The following UNC13B variants were observed in gnomAD, a reference collection of about 807,000 sequenced individuals.
The protein encoded by UNC13B is protein unc-13 homolog B.
Under a neutral mutation model 211.0 loss-of-function variants are expected in UNC13B, and 144 were observed. The observed-to-expected ratio is 0.68, with a 90% CI of 0.60 to 0.78. The LOEUF (loss-of-function observed/expected upper bound fraction) is 0.78. UNC13B is among the 30% of genes least tolerant of loss of function. The pLI, the probability that UNC13B is intolerant of heterozygous loss-of-function variation, is 0.00. For missense variants in UNC13B, 1,777 were observed against 2,002.0 expected (o/e 0.89, Z 2.14); for synonymous variants, 709 against 725.8 (o/e 0.98, Z 0.37).
Position 35,206,838 on chromosome 9 carries a change from C to T in UNC13B, c.23-21177C>T, listed in dbSNP as rs149914883. Among the ~76,000 whole-genome samples, 74 of 146,676 alleles carry T rather than the reference C, an allele frequency of 5.0e-4. 2 individuals carry two copies. The East Asian group carries it at 0.013, about 26-fold the overall frequency. ...GCAGTGAGCTGAGATCGCGCCACTG[C>T]ACTCCAGCCTGGTGACAGAGTGAGA... is the stretch of plus-strand genomic sequence containing the variant. On this transcript the variant is annotated intron_variant, in intron 1 of 39. Transcript: ENST00000635942.
At chr9:35,210,475 CT>C (rs1313353098) in intron 1 of UNC13B, among the ~76,000 whole-genome samples, 1 of 152,042 alleles carries the variant, frequency 6.6e-6, no homozygotes, top group Non-Finnish European at 1.5e-5. Flanking sequence ...CTTATTCCTA[CT>C]TGCGGGGCTG....
At chr9:35,320,590 C>T (rs1398054352) in intron 11 of UNC13B, among the ~76,000 whole-genome samples, 2 of 152,108 alleles carry the variant, frequency 1.3e-5, no homozygotes, top group Admixed American at 1.3e-4. Context: ...TTGCTGTTTC[C>T]CATGCTTAGA....
At position 35,396,982 on chromosome 9, in the gene UNC13B, C is replaced by T. The variant is rs376642651; in HGVS notation, c.11532+45C>T. ...TGCACCGGGTTCAGGCCAGGTCTCC[C>T]AGCAATTAGCTATTGGCAGAAGTTC... On this transcript the variant is annotated intron_variant, in intron 28 of 39. Coordinates refer to ENST00000635942, the MANE Select transcript of UNC13B (RefSeq NM_001371189.2). The T allele has an allele frequency of 3.4e-5, 55 of 1,610,682 alleles. No individual in the cohort carries two copies. In the African/African-American group the frequency reaches 6.3e-4, roughly 18 times the overall value.
rs941554265 is a variant in UNC13B at position 35,266,700 on chromosome 9, G to A, written c.526+7650G>A. Among the ~76,000 whole-genome samples the A allele has an allele frequency of 1.2e-4, 18 of 152,138 alleles. 1 individual carries two copies. The highest frequency in any genetic ancestry group is 2.2e-4 in the Non-Finnish European group (15 of 68,018). ...TCAAGCCTTTCTCTTTTAGCATTCA[G>A]TAACAACATTCTGCATTCACTTTTA... On this transcript the variant is annotated intron_variant, in intron 7 of 39. Transcript: ENST00000635942.
At chr9:35,278,632 C>T (rs753692492) in intron 7 of UNC13B, among the ~76,000 whole-genome samples, 1 of 149,650 alleles carries the variant, frequency 6.7e-6, no homozygotes, top group South Asian at 2.1e-4. Flanking sequence ...TCTGAGCCTT[C>T]TATATTGGCT....
intron 20 of UNC13B, 81 bp from the exon 21 acceptor site, chr9:35,382,276 C>T: frequency 6.5e-7 from 1 of 1,531,072 alleles, no homozygotes; most frequent in Non-Finnish European, 8.8e-7. Flanking sequence ...TTCATTTATC[C>T]CATAAACTTT....
chr9:35,214,672 A>G (rs532349253), intron 1 of UNC13B, among the ~76,000 whole-genome samples: 1 of 152,148 alleles, frequency 6.6e-6, no homozygotes, highest in Non-Finnish European at 1.5e-5. Flanking sequence ...TCTAGGGGGG[A>G]AAAAGGAGAG....
At chr9:35,273,443 A>G (rs926147155) in intron 7 of UNC13B, among the ~76,000 whole-genome samples, 1 of 152,170 alleles carries the variant, frequency 6.6e-6, no homozygotes, top group Non-Finnish European at 1.5e-5. Flanking sequence ...AATGCTTTCC[A>G]CTAGTTTTCA....
rs991833111 is a variant in UNC13B at position 35,204,501 on chromosome 9, G to T, written c.23-23514G>T. Among the ~76,000 whole-genome samples the T allele has an allele frequency of 6.7e-4, 102 of 152,210 alleles. 1 individual carries two copies. Among genetic ancestry groups the T allele is most frequent in the Non-Finnish European group, 1.3e-4 (9 of 68,038 alleles). ...CCAGCCTGTGAGAGCAACTCTGAAG[G>T]CTGAATCCTGGAAAGATTTGGAACT... On this transcript the variant is annotated intron_variant, in intron 1 of 39. Coordinates refer to ENST00000635942, the MANE Select transcript of UNC13B (RefSeq NM_001371189.2).
At chr9:35,162,409 T>A (rs1196649608) in intron 1 of UNC13B, 104 bp downstream of exon 1, 3 of 1,380,958 alleles carry the variant, frequency 2.2e-6, no homozygotes, top group Non-Finnish European at 2.9e-6. Flanking sequence ...TTACATCCCG[T>A]CCGTGCTTTG....
chr9:35,377,458 C>T lies in UNC13B; in HGVS notation c.9836-10C>T. 1.2e-6 allele frequency: 2 copies of T among 1,613,778 alleles called. No individual in the cohort carries two copies. Among genetic ancestry groups the T allele is most frequent in the Non-Finnish European group, 8.5e-7 (1 of 1,179,766 alleles). On this transcript the variant is annotated splice_polypyrimidine_tract_variant and intron_variant, in intron 15 of 39. Transcript: ENST00000635942. ...GGTAGGTGACCTGTTGTGTTCCTGG[C>T]CACCTTCAGGGGCTGCAGAAAAGAG...
At chr9:35,203,205 T>G (rs1239179289) in intron 1 of UNC13B, among the ~76,000 whole-genome samples, 1 of 152,222 alleles carries the variant, frequency 6.6e-6, no homozygotes, top group African/African-American at 2.4e-5. Context: ...CATTATGATG[T>G]TAGCTGGTTG....
chr9:35,168,998 A>G (rs1037094413), intron 1 of UNC13B, among the ~76,000 whole-genome samples: 1 of 152,078 alleles, frequency 6.6e-6, no homozygotes, highest in Admixed American at 6.5e-5. Context: ...GAACAAAACA[A>G]TGTCACTGGT....
rs1400092484 is a variant in UNC13B, at chr9:35,259,008, GA to G, written c.487del (p.Ser163AlafsTer100). The G allele has an allele frequency of 6.2e-7, 1 of 1,613,764 alleles. No individual in the cohort carries two copies. Among genetic ancestry groups the G allele is most frequent in the South Asian group, 1.1e-5 (1 of 91,056 alleles). On this transcript the variant is annotated frameshift_variant, in exon 7 of 40. Transcript: ENST00000635942. LOFTEE classifies it high-confidence loss of function. ...CTGCTTCTAGTATTCTAGTCAAGAA[GA>G]AAGCCAGAGGAAGCCATTGCCCACT... The part of the protein sequence containing the change: ...GADNEYSSQE[E>X]SQRKPLPTAA...
intron 12 of UNC13B, 68 bp downstream of exon 12, chr9:35,367,061 C>G (rs1833819288): frequency 6.7e-7 from 1 of 1,497,752 alleles, no homozygotes. Context: ...AGCTTTTCCC[C>G]TGGGAAGCAG....
chr9:35,207,375 C>G (rs1188558118), intron 1 of UNC13B, among the ~76,000 whole-genome samples: 1 of 152,016 alleles, frequency 6.6e-6, no homozygotes, highest in African/African-American at 2.4e-5. Flanking sequence ...TACTCCCACT[C>G]CAGTCTCCTG....
chr9:35,242,892 A>G (rs534951484), intron 5 of UNC13B, among the ~76,000 whole-genome samples: 2 of 152,272 alleles, frequency 1.3e-5, no homozygotes, highest in East Asian at 3.9e-4. Flanking sequence ...ATATCTCAGC[A>G]TATAACTTTT....
Position 35,231,184 on chromosome 9 carries a change from T to A in UNC13B, c.117T>A (p.Arg39=). The A allele has an allele frequency of 6.2e-7, 1 of 1,613,504 alleles. No individual in the cohort carries two copies. Among genetic ancestry groups the A allele is most frequent in the South Asian group, 1.1e-5 (1 of 91,050 alleles). Residue 39 remains arginine, a synonymous_variant, in exon 3 of 40, where the codon CGT becomes CGA. Transcript: ENST00000635942. The stretch of plus-strand genomic sequence containing the variant: ...TGAAGAGCACAACTGTAGCAGTTCG[T>A]GGTGATCAGCCTTCCTGGGAACAGG... ...QNVKSTTVAV[R]GDQPSWEQDF... is the part of the protein sequence containing the mutation.
intron 37 of UNC13B, among the ~76,000 whole-genome samples, chr9:35,401,324 G>C (rs1185332784): frequency 1.3e-5 from 2 of 152,182 alleles, no homozygotes; most frequent in Non-Finnish European, 2.9e-5. Flanking sequence ...GAAAATGGAA[G>C]GGACCGAAAG....
Sources: allele counts gnomAD v4.1 joint callset (sites outside exome capture counted in the v4.1 genomes callset), GRCh38; gene constraint gnomAD v4.1.1; transcripts MANE v1.5; gene names NCBI Gene and HGNC (gene_info 2026-07-23, HGNC 2026-07-21).